ZFP64: variants seen among roughly 807,000 people sequenced by gnomAD.
ZFP64 encodes the protein zinc finger protein 64.
Under a neutral mutation model 51.6 loss-of-function variants are expected in ZFP64, and 14 were observed. That is an observed-to-expected ratio of 0.27 (90% CI 0.18 to 0.42). The LOEUF (loss-of-function observed/expected upper bound fraction) is 0.42. Among genes scored for constraint, ZFP64 ranks in the 10% least tolerant of loss-of-function variants. The pLI, the probability that ZFP64 is intolerant of heterozygous loss-of-function variation, is 1.00. For missense variants in ZFP64, 754 were observed against 906.8 expected, an observed-to-expected ratio of 0.83 and a Z score of 2.16; for synonymous variants, 375 against 361.4, an observed-to-expected ratio of 1.04 and a Z score of -0.43.
chr20:52,156,505 C>A (rs557921266), intron 5 of ZFP64, among the ~76,000 whole-genome samples: 76 of 152,342 alleles, frequency 5.0e-4, no homozygotes, highest in African/African-American at 1.7e-3. Context: ...CAGTGGACAG[C>A]CAGCCCATAA....
Position 52,085,216 on chromosome 20 carries a change from A to G in ZFP64, c.1279T>C (p.Ser427Pro). The G allele has an allele frequency of 6.2e-7, 1 of 1,614,090 alleles. No homozygotes were observed. Among genetic ancestry groups the G allele is most frequent in the Non-Finnish European group, 8.5e-7 (1 of 1,180,004 alleles). The change falls in exon 9 of 9, where the codon TCG becomes CCG. Residue 427 changes from serine (S) to proline (P), a missense_variant. Ser to Pro is a moderately conservative substitution (Grantham distance 74). Coordinates refer to the ZFP64 transcript ENST00000361387. This position sits in a 1 kb window ranked among gnomAD's most constrained non-coding sequence, Gnocchi z 4.3. The stretch of plus-strand genomic sequence containing the variant: ...ACGATCATGTGCCTTTTCAAGTCCG[A>G]GCTGATTTTGAACTTGGCGCTACAG...
chr20:52,127,569 C>T (rs1470287263), intron 5 of ZFP64, among the ~76,000 whole-genome samples: 1 of 152,166 alleles, frequency 6.6e-6, no homozygotes, highest in Admixed American at 6.6e-5. Flanking sequence ...TTGCCTTCTG[C>T]CATGACTGTA....
chr20:52,166,464 T>C (rs929717870), intron 2 of ZFP64, among the ~76,000 whole-genome samples: 1 of 152,136 alleles, frequency 6.6e-6, no homozygotes, highest in Non-Finnish European at 1.5e-5. Context: ...TTTTCTTTTT[T>C]TTTTTTCTGA....
chr20:52,183,811 A>T (rs984224098), intron 2 of ZFP64, among the ~76,000 whole-genome samples: 118 of 152,224 alleles, frequency 7.8e-4, no homozygotes, highest in African/African-American at 2.8e-3. Flanking sequence ...TGCCAAAAAA[A>T]TTCAAACATC....
At chr20:52,168,145 C>T (rs1982437054) in intron 2 of ZFP64, among the ~76,000 whole-genome samples, 1 of 152,138 alleles carries the variant, frequency 6.6e-6, no homozygotes, top group Admixed American at 6.5e-5. Flanking sequence ...CACTCTGATA[C>T]ACCTCAAATG....
At chr20:52,131,768 T>A (rs1321245469) in intron 5 of ZFP64, among the ~76,000 whole-genome samples, 1 of 152,102 alleles carries the variant, frequency 6.6e-6, no homozygotes, top group Non-Finnish European at 1.5e-5. Context: ...AATACAATAA[T>A]AGCTGGAGAC....
At chr20:52,179,109 G>A (rs775397497) in intron 2 of ZFP64, among the ~76,000 whole-genome samples, 4 of 152,118 alleles carry the variant, frequency 2.6e-5, no homozygotes, top group Admixed American at 2.6e-4. Flanking sequence ...GGTCTTTCCT[G>A]CACTGTTCCT....
intron 5 of ZFP64, among the ~76,000 whole-genome samples, chr20:52,137,914 G>A (rs972925492): frequency 4.6e-5 from 7 of 152,038 alleles, no homozygotes; most frequent in African/African-American, 1.7e-4. Flanking sequence ...ACTGGCTCAT[G>A]CCTCTAATCC....
rs530519936 is a variant in ZFP64, at chr20:52,117,629, A to G, written c.764-19042T>C. 1.0e-3 allele frequency: 476 copies of G among 456,602 alleles called. 1 individual carries two copies. The highest frequency in any genetic ancestry group is 7.1e-3 in the South Asian group (459 of 64,548). The allele number at this position is 456,602 out of a possible 1,614,324, so 28.3% of individuals were successfully genotyped here. A position where few individuals can be genotyped will look rare whatever the true frequency, so the allele number is the denominator to read the frequency against. ...GCGAAACTCTGTCTCAAAAGAAAAC[A>G]AAACAAAACACAAAAAAGAAGATTC... On this transcript the variant is annotated intron_variant, in intron 5 of 8. Transcript: ENST00000361387.
chr20:52,105,401 G>A, intron 5 of ZFP64: 1 of 1,228,212 alleles, frequency 8.1e-7, no homozygotes, highest in Non-Finnish European at 1.0e-6. Context: ...ACGGCTGATT[G>A]GCCTGGAGCC....
intron 5 of ZFP64, among the ~76,000 whole-genome samples, chr20:52,141,245 C>G (rs949416770): frequency 6.6e-6 from 1 of 152,132 alleles, no homozygotes; most frequent in African/African-American, 2.4e-5. Context: ...TAATTTTGAC[C>G]TTGAAGTCTT....
chr20:52,173,341 A>AT (rs1280204832), intron 2 of ZFP64, among the ~76,000 whole-genome samples: 2 of 152,126 alleles, frequency 1.3e-5, no homozygotes, highest in Non-Finnish European at 2.9e-5. Context: ...AATCCCAGCA[A>AT]TTTGGGAGGC....
intron 5 of ZFP64, among the ~76,000 whole-genome samples, chr20:52,109,320 T>C (rs1002330095): frequency 1.3e-5 from 2 of 151,966 alleles, no homozygotes; most frequent in Non-Finnish European, 2.9e-5. Context: ...CCCACCACCA[T>C]GCCTGGCTAA....
At chr20:52,180,089 T>C (rs1983506423) in intron 2 of ZFP64, among the ~76,000 whole-genome samples, 1 of 152,196 alleles carries the variant, frequency 6.6e-6, no homozygotes, top group Non-Finnish European at 1.5e-5. Flanking sequence ...TTGTCTGATG[T>C]TGGTGTTTTA....
At chr20:52,176,505 CT>C (rs557663780) in intron 2 of ZFP64, among the ~76,000 whole-genome samples, 211 of 136,620 alleles carry the variant, frequency 1.5e-3, no homozygotes, top group Admixed American at 1.4e-3. Context: ...TTCAATCTCT[CT>C]TTTTTTTTTT....
At chr20:52,136,754 G>A (rs1980001733) in intron 5 of ZFP64, among the ~76,000 whole-genome samples, 1 of 151,870 alleles carries the variant, frequency 6.6e-6, no homozygotes. Flanking sequence ...ATGTTGCTTT[G>A]GTCAAAAGTT....
Position 52,153,845 on chromosome 20 carries a change from T to C in ZFP64, c.764-417A>G, listed in dbSNP as rs1056661524. Among the ~76,000 whole-genome samples, 2 of 152,190 alleles carry C rather than the reference T, an allele frequency of 1.3e-5. No individual in the cohort carries two copies. Among genetic ancestry groups the C allele is most frequent in the African/African-American group, 4.8e-5 (2 of 41,448 alleles). ...TTACATGTTGTAACAGATTCAACAA[T>C]ATATTTTCGAATGGGTCAGCTCCGT... On this transcript the variant is annotated intron_variant, in intron 5 of 5. Transcript: ENST00000216923. The surrounding 1 kb of genome is among the most constrained non-coding windows in gnomAD (Gnocchi z 5.1).
chr20:52,160,522 G>T lies in ZFP64; in HGVS notation c.512-148C>A. The T allele has an allele frequency of 1.8e-6, 2 of 1,098,098 alleles. No homozygotes were observed. Among genetic ancestry groups the T allele is most frequent in the Non-Finnish European group, 2.5e-6 (2 of 799,966 alleles). 68.0% of individuals were successfully genotyped at this position (1,098,098 alleles called of 1,614,324 possible). A position where few individuals can be genotyped will look rare whatever the true frequency, so the allele number is the denominator to read the frequency against. On this transcript the variant is annotated intron_variant, in intron 4 of 5. Coordinates refer to ENST00000216923, the MANE Select transcript of ZFP64 (RefSeq NM_018197.3). The surrounding 1 kb of genome is among the most constrained non-coding windows in gnomAD (Gnocchi z 4.2). ...AAACACTGGGTGGATGATTGGCAAA[G>T]AGCTAACATCTTGGGAGAGGGGAAG...
At chr20:52,128,274 AAATAAT>A (rs918720375) in intron 5 of ZFP64, among the ~76,000 whole-genome samples, 1 of 152,062 alleles carries the variant, frequency 6.6e-6, no homozygotes, top group African/African-American at 2.4e-5. Flanking sequence ...CTCTCTCTAT[AAATAAT>A]AATAATAATA....
Sources: allele counts gnomAD v4.1 joint callset (sites outside exome capture counted in the v4.1 genomes callset), GRCh38; gene constraint gnomAD v4.1.1; non-coding constraint Gnocchi (gnomAD v3.1); transcripts MANE v1.5; gene names NCBI Gene and HGNC (gene_info 2026-07-23, HGNC 2026-07-21).